The following LRP8 variants were observed in gnomAD, a reference collection of about 807,000 sequenced individuals.
The protein encoded by LRP8 is LDL receptor related protein 8.
In LRP8, 46 loss-of-function variants were observed where a neutral mutation model predicts 111.6. The ratio of observed to expected loss-of-function variants is 0.41; its 90% CI spans 0.33 to 0.53. The LOEUF is 0.53. LRP8 is among the 20% of genes least tolerant of loss of function. LRP8 has a pLI of 0.20. For synonymous variants in LRP8, 464 were observed against 511.2 expected (o/e 0.91, Z 1.24); for missense variants, 959 against 1,297.4 (o/e 0.74, Z 4.01).
chr1:53,300,393 T>C (rs931593649), intron 2 of LRP8, among the ~76,000 whole-genome samples: 7 of 151,656 alleles, frequency 4.6e-5, no homozygotes, highest in Admixed American at 4.6e-4. Flanking sequence ...CAGAAATGAG[T>C]GGATCCCAGC....
intron 1 of LRP8, 61 bp downstream of exon 1, chr1:53,327,728 G>C (rs1213349604): frequency 1.1e-5 from 15 of 1,392,662 alleles, no homozygotes; most frequent in Middle Eastern, 2.5e-4. Context: ...CCGGCCTCCC[G>C]GCCGCGCTTT....
rs376042234 is a variant in LRP8, at chr1:53,260,467, T to C, written c.2053A>G (p.Arg685Gly). The change falls in exon 13 of 19, where the codon AGA becomes GGA. Residue 685 changes from arginine to glycine, a missense_variant. This residue lies in a region of LRP8 where 819 missense variants were observed against 1,097.6 expected (regional missense o/e 0.75). Transcript: ENST00000306052. Reference sequence around the variant, plus strand: ...CCTAGGACCAGAGACAGCTCACCTCTTGGCTGCTTCAGCTCATGGAAGATG... The same window carrying C: ...CCTAGGACCAGAGACAGCTCACCTCCTGGCTGCTTCAGCTCATGGAAGATG... The part of the protein sequence containing the change: ...IVIFHELKQP[R>G]APDACELSVQ... 8 of 1,614,110 alleles carry C rather than the reference T, an allele frequency of 5.0e-6. No homozygotes were observed. Among genetic ancestry groups the C allele is most frequent in the Admixed American group, 1.7e-5 (1 of 60,030 alleles).
At chr1:53,282,855 C>T (rs965228382) in intron 3 of LRP8, among the ~76,000 whole-genome samples, 1 of 152,084 alleles carries the variant, frequency 6.6e-6, no homozygotes, top group African/African-American at 2.4e-5. Flanking sequence ...ACAGATGTTC[C>T]ATACACTTGC....
intron 2 of LRP8, among the ~76,000 whole-genome samples, chr1:53,321,691 G>A (rs1327315608): frequency 6.6e-6 from 1 of 151,420 alleles, no homozygotes; most frequent in Non-Finnish European, 1.5e-5. Context: ...CTCACACCGG[G>A]GAATGCTGAC....
intron 15 of LRP8, among the ~76,000 whole-genome samples, chr1:53,256,777 A>G (rs1646104004): frequency 6.6e-6 from 1 of 152,232 alleles, no homozygotes; most frequent in South Asian, 2.1e-4. Flanking sequence ...ATGGTTGTAG[A>G]TATTACTATC....
intron 3 of LRP8, among the ~76,000 whole-genome samples, chr1:53,285,883 C>T (rs1339042491): frequency 6.6e-6 from 1 of 152,144 alleles, no homozygotes; most frequent in African/African-American, 2.4e-5. Context: ...CAACAGGAAC[C>T]CTCCAAAGCT....
intron 2 of LRP8, among the ~76,000 whole-genome samples, chr1:53,318,979 A>C (rs1654149913): frequency 2.0e-5 from 3 of 152,150 alleles, no homozygotes; most frequent in African/African-American, 7.2e-5. Context: ...TTTTCATTAC[A>C]AGTGTAAAGT....
chr1:53,252,834 C>T (rs1645940894), intron 16 of LRP8, among the ~76,000 whole-genome samples: 1 of 152,092 alleles, frequency 6.6e-6, no homozygotes, highest in Non-Finnish European at 1.5e-5. Flanking sequence ...TTCTGAAGTT[C>T]ACCTAGAAGA....
chr1:53,261,961 T>C, intron 12 of LRP8, 107 bp downstream of exon 12: 1 of 1,346,828 alleles, frequency 7.4e-7, no homozygotes, highest in Non-Finnish European at 1.0e-6. Flanking sequence ...TTGGTTTCCC[T>C]GTTCCTGTTT....
chr1:53,305,343 C>G (rs1651737744), intron 2 of LRP8: 2 of 152,344 alleles, frequency 1.3e-5, no homozygotes, highest in South Asian at 4.1e-4. Flanking sequence ...AGGGATGGCA[C>G]ACAGAAAATA....
intron 2 of LRP8, among the ~76,000 whole-genome samples, chr1:53,307,184 G>A (rs1017242543): frequency 1.3e-5 from 2 of 152,192 alleles, no homozygotes; most frequent in African/African-American, 2.4e-5. Context: ...GCAGCAGCCC[G>A]CTGGAACAGA....
Position 53,250,651 on chromosome 1 carries a change from G to A in LRP8, c.2676+39C>T, listed in dbSNP as rs1645867316. 2 of 1,575,666 alleles carry A rather than the reference G, an allele frequency of 1.3e-6. No individual in the cohort carries two copies. The highest frequency in any genetic ancestry group is 1.4e-5 in the African/African-American group (1 of 74,030). ...GGGAAGAAAGGATGGAAGGGAAGAT[G>A]GTCGGAAGGTAGGAATTCTCCCAGT... On this transcript the variant is annotated intron_variant, in intron 17 of 18. Coordinates refer to ENST00000306052, the MANE Select transcript of LRP8 (RefSeq NM_004631.5). The surrounding 1 kb of genome is among the most constrained non-coding windows in gnomAD (Gnocchi z 4.6).
At chr1:53,291,047 G>A (rs1648654480) in intron 2 of LRP8, among the ~76,000 whole-genome samples, 1 of 152,194 alleles carries the variant, frequency 6.6e-6, no homozygotes, top group South Asian at 2.1e-4. Context: ...ACTGGGCAGG[G>A]AGTCCGGAGG....
intron 3 of LRP8, among the ~76,000 whole-genome samples, chr1:53,281,528 G>T (rs958722074): frequency 2.0e-5 from 3 of 152,202 alleles, no homozygotes; most frequent in Non-Finnish European, 2.9e-5. Flanking sequence ...GACCTCCGTG[G>T]TCTCTAGGAT....
At chr1:53,264,445 C>T (rs1461051232) in intron 9 of LRP8, 49 bp from the exon 10 acceptor site, 2 of 1,479,938 alleles carry the variant, frequency 1.4e-6, no homozygotes, top group Non-Finnish European at 1.9e-6. Context: ...CACCCATGGG[C>T]CCATCTGGAG....
rs1311690661 is a variant in LRP8, at chr1:53,243,340, G to C, written c.*3678C>G. 6.6e-6 allele frequency: 1 copy of C among 152,118 alleles called. No individual in the cohort carries two copies. The highest frequency in any genetic ancestry group is 1.5e-5 in the Non-Finnish European group (1 of 68,026). The allele number at this position is 152,118 out of a possible 1,614,324, so 9.4% of individuals were successfully genotyped here. On this transcript the variant is annotated 3_prime_UTR_variant, in exon 19 of 19. Coordinates refer to ENST00000306052, the MANE Select transcript of LRP8 (RefSeq NM_004631.5). ...TAAGAGGCTCTCGACAACATGGCAT[G>C]CATCTGTGAAAATCCCACTGCCCTT...
At chr1:53,274,773 G>A (rs1646866375) in intron 6 of LRP8, 2 of 456,190 alleles carry the variant, frequency 4.4e-6, no homozygotes, top group South Asian at 1.5e-5. Context: ...CCGTCCACGC[G>A]CTTGCCACTC....
At position 53,317,174 on chromosome 1, in the gene LRP8, G is replaced by A. The variant is rs963411033; in HGVS notation, c.244+9699C>T. On this transcript the variant is annotated intron_variant, in intron 2 of 18. Coordinates refer to ENST00000306052, the MANE Select transcript of LRP8 (RefSeq NM_004631.5). This position sits in a 1 kb window ranked among gnomAD's most constrained non-coding sequence, Gnocchi z 4.9. ...TCCAGGAAGTGGGGGAGGGAGGGAG[G>A]GGAGGAGTGCTGGCTTGAATGTCCC... Among the ~76,000 whole-genome samples the A allele has an allele frequency of 6.6e-6, 1 of 152,080 alleles. No individual in the cohort carries two copies. Among genetic ancestry groups the A allele is most frequent in the Non-Finnish European group, 1.5e-5 (1 of 68,012 alleles).
At chr1:53,302,296 T>TGAAGCTC (rs1651063430) in intron 2 of LRP8, among the ~76,000 whole-genome samples, 1 of 152,300 alleles carries the variant, frequency 6.6e-6, no homozygotes, top group Non-Finnish European at 1.5e-5. Context: ...TCTGAAGCTC[T>TGAAGCTC]TTAACCGCCC....
Sources: gnomAD v4.1 joint callset for allele counts (sites outside exome capture counted in the v4.1 genomes callset) on GRCh38, gnomAD v4.1.1 for gene constraint, gnomAD v4.1.1 regional missense constraint, Gnocchi (gnomAD v3.1) non-coding constraint, MANE v1.5 for transcripts, NCBI Gene and HGNC (gene_info 2026-07-23, HGNC 2026-07-21) for gene names.